The following LAMA2 variants were observed in gnomAD, a reference collection of about 807,000 sequenced individuals.
LAMA2 encodes laminin subunit alpha-2.
A neutral mutation model predicts 364.8 loss-of-function variants in LAMA2; 269 were observed. The observed-to-expected ratio is 0.74, with a 90% confidence interval of 0.67 to 0.82. The LOEUF (loss-of-function observed/expected upper bound fraction) is 0.82, where lower values mean the gene tolerates loss of function less well. Ranked by LOEUF, LAMA2 falls within the 40% of genes least tolerant of loss-of-function variation. The pLI is 0.00. For synonymous variants in LAMA2, 1,379 were observed against 1,370.6 expected (o/e 1.01, Z -0.14); for missense variants, 3,807 against 3,873.2 (o/e 0.98, Z 0.45).
chr6:129,436,609 A>T (rs568447764), intron 41 of LAMA2, among the ~76,000 whole-genome samples: 1 of 152,136 alleles, frequency 6.6e-6, no homozygotes, highest in Non-Finnish European at 1.5e-5. Context: ...AACCAAATAC[A>T]TGTCTATTTA....
chr6:128,992,201 G>A (rs539071440), intron 1 of LAMA2, among the ~76,000 whole-genome samples: 3 of 152,260 alleles, frequency 2.0e-5, no homozygotes, highest in African/African-American at 7.2e-5. Context: ...AGTCATTGGC[G>A]GCCAGTGAGC....
intron 8 of LAMA2, chr6:129,158,731 A>G: frequency 1.2e-6 from 2 of 1,614,232 alleles, no homozygotes; most frequent in Non-Finnish European, 8.5e-7. Flanking sequence ...AATACTGGTT[A>G]CATAAATTGG....
chr6:128,967,088 G>T (rs1781891358), intron 1 of LAMA2, among the ~76,000 whole-genome samples: 1 of 152,172 alleles, frequency 6.6e-6, no homozygotes, highest in African/African-American at 2.4e-5. Context: ...GACCAGGGAT[G>T]TGCCCCAGAG....
chr6:129,315,046 G>T (rs545221272), intron 24 of LAMA2, among the ~76,000 whole-genome samples: 1 of 152,124 alleles, frequency 6.6e-6, no homozygotes, highest in Non-Finnish European at 1.5e-5. Flanking sequence ...GAGGAACCTT[G>T]TCCGGGAAGC....
intron 40 of LAMA2, among the ~76,000 whole-genome samples, chr6:129,426,685 T>C (rs1261112664): frequency 1.3e-5 from 2 of 152,224 alleles, no homozygotes; most frequent in Non-Finnish European, 2.9e-5. Flanking sequence ...ATGATAGCAT[T>C]GTACAATCAA....
rs780356271 is a variant in LAMA2 at position 129,316,069 on chromosome 6, G to T, written c.3956G>T (p.Arg1319Leu). The change falls in exon 27 of 65, where the codon CGA becomes CTA. Residue 1319 changes from arginine (R) to leucine (L), a missense_variant. Arg to Leu is a moderately radical substitution (Grantham distance 102). Transcript: ENST00000421865. ...KEWKYYGDDP[R>L]VHRTVTREDF... Reference sequence around the variant, plus strand: ...TGGAAATATTATGGGGATGATCCTCGAGTCCATAGAACTGTGACCCGAGAA... The same window carrying T: ...TGGAAATATTATGGGGATGATCCTCTAGTCCATAGAACTGTGACCCGAGAA... 1 of 1,613,644 alleles carries T rather than the reference G, an allele frequency of 6.2e-7. No individual in the cohort carries two copies. Among genetic ancestry groups the T allele is most frequent in the Non-Finnish European group, 8.5e-7 (1 of 1,179,638 alleles).
chr6:129,352,215 G>A (rs1776889987), intron 31 of LAMA2, among the ~76,000 whole-genome samples: 1 of 152,138 alleles, frequency 6.6e-6, no homozygotes. Flanking sequence ...AATTGTCCTG[G>A]GCAAACCAGA....
intron 14 of LAMA2, among the ~76,000 whole-genome samples, chr6:129,256,665 G>C (rs1489971240): frequency 6.7e-6 from 1 of 150,334 alleles, no homozygotes; most frequent in African/African-American, 2.4e-5. Flanking sequence ...AGCTGCAAAA[G>C]TATCAGTTTC....
At chr6:129,369,395 C>G (rs1198921504) in intron 33 of LAMA2, among the ~76,000 whole-genome samples, 1 of 152,170 alleles carries the variant, frequency 6.6e-6, no homozygotes, top group Admixed American at 6.5e-5. Context: ...CTAGCAACAC[C>G]GAGGACAGGC....
intron 1 of LAMA2, chr6:128,929,147 G>T: frequency 7.0e-7 from 1 of 1,431,820 alleles, no homozygotes; most frequent in South Asian, 1.1e-5. Context: ...GGGATTTACA[G>T]GATCCAATGG....
intron 54 of LAMA2, among the ~76,000 whole-genome samples, chr6:129,479,062 A>T (rs887639537): frequency 6.6e-6 from 1 of 152,026 alleles, no homozygotes; most frequent in Non-Finnish European, 1.5e-5. Flanking sequence ...ATTAATACTA[A>T]TCTCTTTTCT....
At chr6:129,433,782 A>G (rs1198739592) in intron 41 of LAMA2, among the ~76,000 whole-genome samples, 1 of 152,212 alleles carries the variant, frequency 6.6e-6, no homozygotes, top group African/African-American at 2.4e-5. Context: ...AAAAAGGAAT[A>G]AAGTCATAAA....
chr6:129,353,277 G>A lies in LAMA2; in HGVS notation c.4637G>A (p.Cys1546Tyr), dbSNP rs1226326201. 1 of 1,614,104 alleles carries A rather than the reference G, an allele frequency of 6.2e-7. No individual in the cohort carries two copies. Residue 1546 changes from cysteine to tyrosine, a missense_variant, in exon 32 of 65, where the codon TGC becomes TAC. Around this residue, in one of 3 missense-constraint regions of LAMA2, gnomAD observed 3,333 missense variants for 3,345.7 expected, o/e 1.00. Coordinates refer to ENST00000421865, the MANE Select transcript of LAMA2 (RefSeq NM_000426.4). The part of the protein sequence containing the change: ...PVPCDPVTGF[C>Y]TCRPGATGRK... The stretch of plus-strand genomic sequence containing the variant: ...CCCTGTGACCCTGTCACAGGATTCT[G>A]CACGTGCCGACCTGGAGCCACGGGA...
chr6:129,393,694 C>G (rs1167754512), intron 37 of LAMA2, among the ~76,000 whole-genome samples: 2 of 152,194 alleles, frequency 1.3e-5, no homozygotes, highest in Non-Finnish European at 2.9e-5. Context: ...ATATTCATAT[C>G]ATATTATTTT....
rs573807463 is a variant in LAMA2 at position 129,236,645 on chromosome 6, T to A, written c.1783-13467T>A. On this transcript the variant is annotated intron_variant, in intron 12 of 64. Transcript: ENST00000421865. ...AATAACATTGAAATAGTAAGTAGCATGTATTTTGGACTTAACTCTTATTTT... is the reference window on the plus strand; with the variant it reads ...AATAACATTGAAATAGTAAGTAGCAAGTATTTTGGACTTAACTCTTATTTT... Among the ~76,000 whole-genome samples the A allele has an allele frequency of 1.1e-4, 17 of 152,254 alleles. No homozygotes were observed. The East Asian group carries it at 3.1e-3, about 28-fold the overall frequency.
intron 4 of LAMA2, among the ~76,000 whole-genome samples, chr6:129,141,511 T>C (rs1778123623): frequency 6.6e-6 from 1 of 152,072 alleles, no homozygotes; most frequent in Non-Finnish European, 1.5e-5. Flanking sequence ...ATTTTTATCA[T>C]GAGGCATTTT....
In LAMA2 at chr6:128,945,281, C is replaced by A. The variant is rs550192556; in HGVS notation, c.112+61924C>A. Among the ~76,000 whole-genome samples, 38 of 152,216 alleles carry A rather than the reference C, an allele frequency of 2.5e-4. 2 individuals are homozygous for A. In the South Asian group the frequency reaches 7.9e-3, roughly 32 times the overall value. On this transcript the variant is annotated intron_variant, in intron 1 of 64. Coordinates refer to ENST00000421865, the MANE Select transcript of LAMA2 (RefSeq NM_000426.4). ...TGTTAAAAATTTTTAAAACCTTGAC[C>A]TATGAAAAAATTTGTCAGTAAGATG...
At chr6:129,465,706 T>C (rs1462742580) in intron 51 of LAMA2, among the ~76,000 whole-genome samples, 1 of 151,964 alleles carries the variant, frequency 6.6e-6, no homozygotes, top group East Asian at 1.9e-4. Context: ...CAAACATTTG[T>C]ATGCCTGCAA....
At chr6:129,199,084 G>A (rs866862054) in intron 12 of LAMA2, among the ~76,000 whole-genome samples, 3 of 152,194 alleles carry the variant, frequency 2.0e-5, no homozygotes, top group South Asian at 2.1e-4. Context: ...ACTCATGAAC[G>A]TAGATGAAAA....
Sources: gnomAD v4.1 joint callset for allele counts (sites outside exome capture counted in the v4.1 genomes callset) on GRCh38, gnomAD v4.1.1 for gene constraint, gnomAD v4.1.1 regional missense constraint, MANE v1.5 for transcripts, NCBI Gene and HGNC (gene_info 2026-07-23, HGNC 2026-07-21) for gene names.